ATG2B: variants seen among roughly 807,000 people sequenced by gnomAD.
ATG2B encodes the protein autophagy-related protein 2 homolog B.
Under a neutral mutation model 241.3 loss-of-function variants are expected in ATG2B, and 121 were observed. The observed-to-expected ratio is 0.50, with a 90% CI of 0.43 to 0.58. The LOEUF is 0.58. Ranked by LOEUF, ATG2B falls within the 20% of genes least tolerant of loss-of-function variation. The pLI, the probability that ATG2B is intolerant of heterozygous loss-of-function variation, is 0.00. For missense variants in ATG2B, 2,306 were observed against 2,491.6 expected (o/e 0.93, Z 1.59); for synonymous variants, 858 against 876.6 (o/e 0.98, Z 0.37).
intron 35 of ATG2B, 120 bp from the exon 36 acceptor site, chr14:96,295,287 A>G: frequency 2.8e-6 from 3 of 1,060,988 alleles, no homozygotes; most frequent in Non-Finnish European, 4.0e-6. Flanking sequence ...GATTCTTGTT[A>G]CAGAGAAAAT....
At chr14:96,304,785 A>G (rs1210415135) in intron 31 of ATG2B, among the ~76,000 whole-genome samples, 182 bp from the exon 32 acceptor site, 1 of 152,152 alleles carries the variant, frequency 6.6e-6, no homozygotes, top group African/African-American at 2.4e-5. Context: ...ACACTGAAAC[A>G]CGCGTTTCAT....
chr14:96,286,135 C>A, intron 41 of ATG2B, 150 bp from the exon 42 acceptor site: 1 of 594,582 alleles, frequency 1.7e-6, no homozygotes, highest in South Asian at 2.4e-5. Context: ...TTAGATAAAC[C>A]AGGATTATTA....
In ATG2B at chr14:96,362,934, G is replaced by A. The variant is rs1286347685; in HGVS notation, c.43C>T (p.Arg15Trp). Residue 15 changes from arginine to tryptophan, a missense_variant, in exon 1 of 42, where the codon CGG (arginine) becomes TGG (tryptophan). Around this residue, in one of 2 missense-constraint regions of ATG2B, gnomAD observed 1,927 missense variants for 2,011.2 expected, o/e 0.96. Coordinates refer to ENST00000359933, the MANE Select transcript of ATG2B (RefSeq NM_018036.7). ...CCCAGGTACCTCTGCAGGAGGTACC[G>A]GCAGGCCCTCTTCTTGATGGACTCC... ...FSESIKKRAC[R>W]YLLQRYLGHF... is the part of the protein sequence containing the mutation. 9 of 1,613,396 alleles carry A rather than the reference G, an allele frequency of 5.6e-6. No individual in the cohort carries two copies. The highest frequency in any genetic ancestry group is 2.7e-5 in the African/African-American group (2 of 74,934).
intron 41 of ATG2B, among the ~76,000 whole-genome samples, chr14:96,287,764 G>A (rs567801488): frequency 6.6e-6 from 1 of 152,306 alleles, no homozygotes; most frequent in African/African-American, 2.4e-5. Flanking sequence ...GAAGGTATTT[G>A]TGGGCCATGG....
Position 96,363,147 on chromosome 14 carries a change from T to A in ATG2B, c.-171A>T. The A allele has an allele frequency of 1.5e-6, 1 of 680,672 alleles. No individual in the cohort carries two copies. The highest frequency in any genetic ancestry group is 2.5e-6 in the Non-Finnish European group (1 of 405,950). 42.2% of individuals were successfully genotyped at this position (680,672 alleles called of 1,614,324 possible). A position where few individuals can be genotyped will look rare whatever the true frequency, so the allele number is the denominator to read the frequency against. ...GACCCCATCGCCGGCGCCGCACCGC[T>A]CGCGCTGGGCCTGGCGGAGGCAAGA... On this transcript the variant is annotated 5_prime_UTR_variant, in exon 1 of 42. Transcript: ENST00000359933.
At chr14:96,312,225 C>T (rs1000988510) in intron 25 of ATG2B, 66 bp from the exon 26 acceptor site, 4 of 1,064,710 alleles carry the variant, frequency 3.8e-6, no homozygotes, top group Non-Finnish European at 5.6e-6. Context: ...CCCATAATCA[C>T]TATATGCTTA....
intron 10 of ATG2B, 123 bp from the exon 11 acceptor site, chr14:96,331,760 T>G: frequency 2.6e-6 from 2 of 778,016 alleles, no homozygotes; most frequent in Non-Finnish European, 3.9e-6. Context: ...TTGAATGATA[T>G]TAAACAATTA....
At chr14:96,347,477 G>T (rs1176132809) in intron 1 of ATG2B, 136 bp from the exon 2 acceptor site, 2 of 578,826 alleles carry the variant, frequency 3.5e-6, no homozygotes, top group Non-Finnish European at 5.7e-6. Context: ...ACAAGTACAG[G>T]CAATCAAAGC....
At chr14:96,325,955 T>C in intron 14 of ATG2B, 33 bp from the exon 15 acceptor site, 2 of 1,595,328 alleles carry the variant, frequency 1.3e-6, no homozygotes, top group Non-Finnish European at 1.7e-6. Context: ...TATGCCAAAA[T>C]ATTAAAGTAA....
chr14:96,296,219 A>G lies in ATG2B; in HGVS notation c.5140-659T>C, dbSNP rs368187721. ...TTAACTTCTGCTTTTCATACATTAT[A>G]TTGCCTTAATACATTTCATCATTGA... On this transcript the variant is annotated intron_variant, in intron 34 of 41. Coordinates refer to ENST00000359933, the MANE Select transcript of ATG2B (RefSeq NM_018036.7). Among the ~76,000 whole-genome samples the G allele has an allele frequency of 2.1e-4, 32 of 152,302 alleles. No individual in the cohort carries two copies. The East Asian group carries it at 4.4e-3, about 21-fold the overall frequency.
intron 34 of ATG2B, among the ~76,000 whole-genome samples, chr14:96,300,792 G>A (rs569592495): frequency 2.0e-3 from 310 of 152,322 alleles, no homozygotes; most frequent in Admixed American, 3.5e-3. Flanking sequence ...AAGCATTAAT[G>A]TAGAGCTATG....
chr14:96,349,463 G>A (rs1254552610), intron 1 of ATG2B, among the ~76,000 whole-genome samples: 1 of 152,178 alleles, frequency 6.6e-6, no homozygotes, highest in African/African-American at 2.4e-5. Flanking sequence ...CAGTTGCCAT[G>A]TACAGCATGA....
At position 96,333,677 on chromosome 14, in the gene ATG2B, G is replaced by A. The variant is rs748946639; in HGVS notation, c.1207+11C>T. 7 of 1,609,458 alleles carry A rather than the reference G, an allele frequency of 4.3e-6. No homozygotes were observed. The South Asian group carries it at 6.6e-5, about 15-fold the overall frequency. ...TATATGATTCTGGTGTCAACAGTTT[G>A]AGTTGCTTACCACGGCTAGAAGGTG... is the stretch of plus-strand genomic sequence containing the variant. On this transcript the variant is annotated intron_variant, in intron 8 of 41. Coordinates refer to ENST00000359933, the MANE Select transcript of ATG2B (RefSeq NM_018036.7).
chr14:96,332,390 C>G lies in ATG2B; in HGVS notation c.1383G>C (p.Glu461Asp). 1.2e-6 allele frequency: 2 copies of G among 1,613,838 alleles called. No individual in the cohort carries two copies. The highest frequency in any genetic ancestry group is 4.5e-5 in the East Asian group (2 of 44,860). ...GCTGTTCTTTATGATGATCAAGGAA[C>G]TCTCCCCAAGTGGGCTGAAGCTATA... ...SATVLQPTWG[E>D]FLDHHKEQPV... The change falls in exon 10 of 42, where the codon GAG becomes GAC. Residue 461 changes from glutamate to aspartate, a missense_variant. Transcript: ENST00000359933.
intron 1 of ATG2B, among the ~76,000 whole-genome samples, chr14:96,359,835 G>A (rs1039012862): frequency 6.6e-6 from 1 of 152,214 alleles, no homozygotes; most frequent in South Asian, 2.1e-4. Flanking sequence ...TCATAAGGAT[G>A]TGAGAGGAAA....
chr14:96,344,925 T>C (rs1235490176), intron 3 of ATG2B, among the ~76,000 whole-genome samples, 169 bp from the exon 4 acceptor site: 1 of 152,296 alleles, frequency 6.6e-6, no homozygotes, highest in East Asian at 1.9e-4. Flanking sequence ...ATAAATATTT[T>C]GTCTTACTGA....
chr14:96,294,132 G>C (rs117897340), intron 36 of ATG2B, among the ~76,000 whole-genome samples: 1 of 151,992 alleles, frequency 6.6e-6, no homozygotes, highest in African/African-American at 2.4e-5. Context: ...TATTTAAAAC[G>C]TGACAACCCT....
chr14:96,304,958 G>A (rs149615864), intron 31 of ATG2B, among the ~76,000 whole-genome samples: 276 of 152,018 alleles, frequency 1.8e-3, no homozygotes, highest in African/African-American at 6.4e-3. Context: ...CAAGTCCTAG[G>A]AATCCCAACT....
rs148298370 is a variant in ATG2B, at chr14:96,329,422, A to T, written c.1881+62T>A. 1.4e-4 allele frequency: 177 copies of T among 1,224,092 alleles called. No homozygotes were observed. The East Asian group carries it at 4.2e-3, about 29-fold the overall frequency. The allele number at this position is 1,224,092 out of a possible 1,614,324, so 75.8% of individuals were successfully genotyped here. A position where few individuals can be genotyped will look rare whatever the true frequency, so the allele number is the denominator to read the frequency against. On this transcript the variant is annotated intron_variant, in intron 12 of 41. Coordinates refer to ENST00000359933, the MANE Select transcript of ATG2B (RefSeq NM_018036.7). ...TTTAAAGAAAATCATTGCCTCATAC[A>T]ATCATTAAAAAGCAAGGTAGATTTA...
Sources: gnomAD v4.1 joint callset for allele counts (sites outside exome capture counted in the v4.1 genomes callset) on GRCh38, gnomAD v4.1.1 for gene constraint, gnomAD v4.1.1 regional missense constraint, MANE v1.5 for transcripts, NCBI Gene and HGNC (gene_info 2026-07-23, HGNC 2026-07-21) for gene names.